The following BICD2 variants were observed in gnomAD, a reference collection of about 807,000 sequenced individuals.
The protein encoded by BICD2 is protein bicaudal D homolog 2.
In BICD2, 25 loss-of-function variants were observed where a neutral mutation model predicts 72.9. The ratio of observed to expected loss-of-function variants is 0.34; its 90% CI spans 0.25 to 0.48. The LOEUF (loss-of-function observed/expected upper bound fraction) is 0.48. Ranked by LOEUF, BICD2 falls within the 20% of genes least tolerant of loss-of-function variation. The probability of loss-of-function intolerance (pLI) is 0.99; values close to 1 mark genes in which losing one functional copy is unlikely to be tolerated. For missense variants in BICD2, 894 were observed against 1,175.2 expected (o/e 0.76, Z 3.50); for synonymous variants, 501 against 516.1 (o/e 0.97, Z 0.40).
intron 1 of BICD2, among the ~76,000 whole-genome samples, chr9:92,741,536 G>A (rs910287382): frequency 3.3e-5 from 5 of 152,204 alleles, no homozygotes; most frequent in African/African-American, 4.8e-5. Context: ...AATTTAGCCT[G>A]AACTCTTCTC....
chr9:92,755,533 G>A (rs1181045436), intron 1 of BICD2, among the ~76,000 whole-genome samples: 6 of 152,132 alleles, frequency 3.9e-5, no homozygotes, highest in Non-Finnish European at 5.9e-5. Context: ...TGTCTCCCCC[G>A]GATGCCCAGC....
chr9:92,743,638 G>A (rs1853944297), intron 1 of BICD2, among the ~76,000 whole-genome samples: 1 of 152,050 alleles, frequency 6.6e-6, no homozygotes, highest in Admixed American at 6.6e-5. Flanking sequence ...AGAAACTAAG[G>A]CTCCAAAAGG....
intron 1 of BICD2, among the ~76,000 whole-genome samples, chr9:92,745,306 T>A (rs1853987361): frequency 6.7e-6 from 1 of 148,290 alleles, no homozygotes; most frequent in South Asian, 2.2e-4. Flanking sequence ...AGGAGGGAGG[T>A]ATAGTTGGGA....
intron 1 of BICD2, among the ~76,000 whole-genome samples, chr9:92,743,832 GGAA>G (rs1275622142): frequency 1.3e-5 from 2 of 152,254 alleles, no homozygotes; most frequent in East Asian, 1.9e-4. Flanking sequence ...GAAGAACATT[GGAA>G]GAAGGTCTTG....
At chr9:92,732,695 A>G (rs1383630232) in intron 1 of BICD2, among the ~76,000 whole-genome samples, 2 of 152,240 alleles carry the variant, frequency 1.3e-5, no homozygotes, top group African/African-American at 2.4e-5. Flanking sequence ...CTTAACTAGA[A>G]TGCTATACTC....
chr9:92,742,123 AG>A (rs1307977528), intron 1 of BICD2, among the ~76,000 whole-genome samples: 1 of 152,232 alleles, frequency 6.6e-6, no homozygotes, highest in African/African-American at 2.4e-5. Flanking sequence ...GTTGTCATGT[AG>A]ATTCATGTGA....
chr9:92,748,428 G>T (rs1043836794), intron 1 of BICD2, among the ~76,000 whole-genome samples: 6 of 152,130 alleles, frequency 3.9e-5, no homozygotes, highest in African/African-American at 1.2e-4. Context: ...TGATTTAATA[G>T]GTCTGAGTGT....
intron 1 of BICD2, among the ~76,000 whole-genome samples, chr9:92,734,314 C>T (rs549325807): frequency 4.3e-4 from 65 of 152,220 alleles, no homozygotes; most frequent in Non-Finnish European, 7.8e-4. Context: ...GAGTTCGAGA[C>T]CATCCTGGCC....
chr9:92,758,455 G>A (rs1415020283), intron 1 of BICD2, among the ~76,000 whole-genome samples: 1 of 150,818 alleles, frequency 6.6e-6, no homozygotes, highest in Non-Finnish European at 1.5e-5. Context: ...AGGAGGCTGA[G>A]GCATGAGAAT....
At chr9:92,757,142 C>T (rs908096170) in intron 1 of BICD2, among the ~76,000 whole-genome samples, 1 of 151,822 alleles carries the variant, frequency 6.6e-6, no homozygotes, top group Non-Finnish European at 1.5e-5. Context: ...GGTGAAACCC[C>T]GCCTCTACTA....
At position 92,720,228 on chromosome 9, in the gene BICD2, G is replaced by GT. The variant is rs1853431467; in HGVS notation, c.1062+71dup. On this transcript the variant is annotated intron_variant, in intron 4 of 6. Coordinates refer to ENST00000356884, the MANE Select transcript of BICD2 (RefSeq NM_001003800.2). This position sits in a 1 kb window ranked among gnomAD's most constrained non-coding sequence, Gnocchi z 5.4. ...AAAGTTAACATCAGCAGAGTGTCAG[G>GT]TAAGCACTGCTCGGGGAGCCCTGCA... is the stretch of plus-strand genomic sequence containing the variant. 1 of 1,414,374 alleles carries GT rather than the reference G, an allele frequency of 7.1e-7. No homozygotes were observed. The highest frequency in any genetic ancestry group is 9.6e-7 in the Non-Finnish European group (1 of 1,045,036). 87.6% of individuals were successfully genotyped at this position (1,414,374 alleles called of 1,614,324 possible).
At chr9:92,749,185 G>A (rs1854092350) in intron 1 of BICD2, among the ~76,000 whole-genome samples, 1 of 151,924 alleles carries the variant, frequency 6.6e-6, no homozygotes, top group South Asian at 2.1e-4. Flanking sequence ...AAAAGAGGGT[G>A]GGGCCTCCTG....
intron 1 of BICD2, among the ~76,000 whole-genome samples, chr9:92,743,990 CG>C (rs1455171346): frequency 1.3e-5 from 2 of 152,122 alleles, no homozygotes; most frequent in African/African-American, 4.8e-5. Context: ...ATCAAGTGCC[CG>C]TGGTGAGGAT....
At chr9:92,726,668 C>G (rs1002503988) in intron 2 of BICD2, among the ~76,000 whole-genome samples, 1 of 152,072 alleles carries the variant, frequency 6.6e-6, no homozygotes, top group Non-Finnish European at 1.5e-5. Flanking sequence ...TGCAGCAACC[C>G]AGGGCAGGGA....
chr9:92,713,817 G>C lies in BICD2; in HGVS notation c.*1337C>G. On this transcript the variant is annotated 3_prime_UTR_variant, in exon 7 of 7. Transcript: ENST00000356884. ...GTCTGGAGGGGACCGAAACATACTC[G>C]GCACCAAAGGGAAGAACGCGCAGGG... is the stretch of plus-strand genomic sequence containing the variant. The C allele has an allele frequency of 9.0e-7, 1 of 1,113,080 alleles. No homozygotes were observed. Among genetic ancestry groups the C allele is most frequent in the South Asian group, 2.7e-5 (1 of 36,530 alleles). The allele number at this position is 1,113,080 out of a possible 1,614,324, so 69.0% of individuals were successfully genotyped here. A position where few individuals can be genotyped will look rare whatever the true frequency, so the allele number is the denominator to read the frequency against.
rs1409824009 is a variant in BICD2, at chr9:92,764,801, A to G, written c.-57T>C. The G allele has an allele frequency of 1.6e-6, 2 of 1,235,360 alleles. No individual in the cohort carries two copies. Among genetic ancestry groups the G allele is most frequent in the Non-Finnish European group, 1.0e-6 (1 of 989,458 alleles). 76.5% of individuals were successfully genotyped at this position (1,235,360 alleles called of 1,614,324 possible). A position where few individuals can be genotyped will look rare whatever the true frequency, so the allele number is the denominator to read the frequency against. On this transcript the variant is annotated 5_prime_UTR_variant, in exon 1 of 7. Coordinates refer to ENST00000356884, the MANE Select transcript of BICD2 (RefSeq NM_001003800.2). The surrounding 1 kb of genome is among the most constrained non-coding windows in gnomAD (Gnocchi z 5.5). ...GGCTCTCGCAGGCCGGGCCCTCCTC[A>G]GCCGCCGCCGCTGCCGCCGCCGCCG...
rs199613227 is a variant in BICD2 at position 92,751,134 on chromosome 9, TTTGTTG to T, written c.240+13365_240+13370del. ...CCATGTTGGCCAGGGTGGTTGGTTT[TTTGTTG>T]TTGTTGTTGTTGTTGTTGTTGTTGT... On this transcript the variant is annotated intron_variant, in intron 1 of 6. Coordinates refer to ENST00000356884, the MANE Select transcript of BICD2 (RefSeq NM_001003800.2). Among the ~76,000 whole-genome samples, 842 of 150,458 alleles carry T rather than the reference TTTGTTG, an allele frequency of 5.6e-3. 49 individuals carry two copies. The East Asian group carries it at 0.093, about 17-fold the overall frequency.
At chr9:92,760,165 C>T (rs1304946773) in intron 1 of BICD2, among the ~76,000 whole-genome samples, 1 of 152,166 alleles carries the variant, frequency 6.6e-6, no homozygotes, top group Admixed American at 6.5e-5. Flanking sequence ...GGACAGACAT[C>T]ATATACAGTC....
Position 92,715,032 on chromosome 9 carries a change from G to T in BICD2, c.*122C>A, listed in dbSNP as rs1268547079. Reference sequence around the variant, plus strand: ...TGATGCAACGCCCCATGGCGCCTCGGCTAGACTCCTACCCTCTGTGCATTA... The same window carrying T: ...TGATGCAACGCCCCATGGCGCCTCGTCTAGACTCCTACCCTCTGTGCATTA... On this transcript the variant is annotated 3_prime_UTR_variant, in exon 7 of 7. Transcript: ENST00000356884. 1.4e-6 allele frequency: 2 copies of T among 1,440,428 alleles called. No homozygotes were observed. Among genetic ancestry groups the T allele is most frequent in the Non-Finnish European group, 1.8e-6 (2 of 1,096,024 alleles). 89.2% of individuals were successfully genotyped at this position (1,440,428 alleles called of 1,614,324 possible). A position where few individuals can be genotyped will look rare whatever the true frequency, so the allele number is the denominator to read the frequency against.
Sources: gnomAD v4.1 joint callset for allele counts (sites outside exome capture counted in the v4.1 genomes callset) on GRCh38, gnomAD v4.1.1 for gene constraint, Gnocchi (gnomAD v3.1) non-coding constraint, MANE v1.5 for transcripts, NCBI Gene and HGNC (gene_info 2026-07-23, HGNC 2026-07-21) for gene names.